The following ACAA2 variants were observed in gnomAD, a reference collection of about 807,000 sequenced individuals.
The protein encoded by ACAA2 is acetyl-CoA acyltransferase 2, also known as 3-ketoacyl-CoA thiolase, mitochondrial.
In ACAA2, 35 loss-of-function variants were observed where a neutral mutation model predicts 44.8. The ratio of observed to expected loss-of-function variants is 0.78; its 90% confidence interval spans 0.60 to 1.04. ACAA2 has a LOEUF of 1.04. ACAA2 is among the 50% of genes least tolerant of loss of function. ACAA2 has a pLI of 0.00. For synonymous variants in ACAA2, 142 were observed against 166.5 expected (o/e 0.85, Z 1.13); for missense variants, 468 against 482.6 (o/e 0.97, Z 0.28).
At chr18:49,798,408 C>G (rs1240864122) in intron 2 of ACAA2, among the ~76,000 whole-genome samples, 1 of 151,980 alleles carries the variant, frequency 6.6e-6, no homozygotes, top group Non-Finnish European at 1.5e-5. Context: ...TTCTGCATTT[C>G]TAACCATTTC....
intron 1 of ACAA2, among the ~76,000 whole-genome samples, chr18:49,811,822 T>C (rs887394240): frequency 6.6e-6 from 1 of 152,110 alleles, no homozygotes; most frequent in Non-Finnish European, 1.5e-5. Context: ...TGGAAAAAAA[T>C]ACGATCACTA....
intron 1 of ACAA2, among the ~76,000 whole-genome samples, chr18:49,805,771 T>G (rs80242280): frequency 6.6e-6 from 1 of 151,700 alleles, no homozygotes; most frequent in African/African-American, 2.4e-5. Context: ...TTTTTTTTTT[T>G]GTAGAGATGG....
Position 49,787,260 on chromosome 18 carries a change from TAA to T in ACAA2, c.954+29_954+30del, listed in dbSNP as rs35932656. ...AAAGTACATGGTTTATTCATGTTGT[TAA>T]AAAAAAAAAAAAAAAAAAAAACACT... On this transcript the variant is annotated intron_variant, in intron 8 of 9. Coordinates refer to ENST00000285093, the MANE Select transcript of ACAA2 (RefSeq NM_006111.3). The T allele has an allele frequency of 0.023, 23,097 of 1,006,034 alleles. 35 individuals carry two copies. Among genetic ancestry groups the T allele is most frequent in the East Asian group, 0.075 (2,074 of 27,482 alleles). 62.3% of individuals were successfully genotyped at this position (1,006,034 alleles called of 1,614,324 possible). A position where few individuals can be genotyped will look rare whatever the true frequency, so the allele number is the denominator to read the frequency against.
intron 1 of ACAA2, among the ~76,000 whole-genome samples, chr18:49,806,098 T>C (rs889466547): frequency 6.6e-6 from 1 of 151,602 alleles, no homozygotes; most frequent in African/African-American, 2.4e-5. Context: ...AGGAGAAGAG[T>C]TGATACTTAG....
At chr18:49,788,274 A>C (rs2023357295) in intron 7 of ACAA2, among the ~76,000 whole-genome samples, 1 of 152,222 alleles carries the variant, frequency 6.6e-6, no homozygotes, top group African/African-American at 2.4e-5. Context: ...TACAAAGAAA[A>C]ATATGTAGTA....
chr18:49,807,442 A>T (rs2023621105), intron 1 of ACAA2, among the ~76,000 whole-genome samples: 1 of 152,234 alleles, frequency 6.6e-6, no homozygotes, highest in Non-Finnish European at 1.5e-5. Flanking sequence ...ACATACGAGA[A>T]AAATCTACAT....
Position 49,803,009 on chromosome 18 carries a change from G to A in ACAA2, c.17-156C>T. On this transcript the variant is annotated intron_variant, in intron 1 of 9. Coordinates refer to ENST00000285093, the MANE Select transcript of ACAA2 (RefSeq NM_006111.3). Reference sequence around the variant, plus strand: ...CCTAGAACAAGTCATACCCATGGAAGCAGAGTCTTAAGGACTACCAGTTTG... The same window carrying A: ...CCTAGAACAAGTCATACCCATGGAAACAGAGTCTTAAGGACTACCAGTTTG... 4 of 861,520 alleles carry A rather than the reference G, an allele frequency of 4.6e-6. No homozygotes were observed. In the Admixed American group the frequency reaches 7.5e-5, roughly 16 times the overall value. The allele number at this position is 861,520 out of a possible 1,614,324, so 53.4% of individuals were successfully genotyped here. A position where few individuals can be genotyped will look rare whatever the true frequency, so the allele number is the denominator to read the frequency against.
chr18:49,797,332 GTA>G (rs1474191584), intron 3 of ACAA2, 132 bp downstream of exon 3: 76 of 668,494 alleles, frequency 1.1e-4, no homozygotes, highest in Non-Finnish European at 1.7e-4. Flanking sequence ...GAGTGCAGTG[GTA>G]TGATCATGGT....
Position 49,783,643 on chromosome 18 carries a change from G to A in ACAA2, c.*204C>T, listed in dbSNP as rs984981226. On this transcript the variant is annotated 3_prime_UTR_variant, in exon 10 of 10. Transcript: ENST00000285093. Reference sequence around the variant, plus strand: ...GCTCAGAAATACATCATATTTCACTGGTTCAAATCTGAGAGAATGTACTTC... The same window carrying A: ...GCTCAGAAATACATCATATTTCACTAGTTCAAATCTGAGAGAATGTACTTC... 5.8e-6 allele frequency: 3 copies of A among 515,520 alleles called. No homozygotes were observed. Among genetic ancestry groups the A allele is most frequent in the Non-Finnish European group, 1.1e-5 (3 of 279,196 alleles). 31.9% of individuals were successfully genotyped at this position (515,520 alleles called of 1,614,324 possible). A position where few individuals can be genotyped will look rare whatever the true frequency, so the allele number is the denominator to read the frequency against.
Position 49,792,170 on chromosome 18 carries a change from A to C in ACAA2, c.735T>G (p.Val245=). Residue 245 remains valine (V), a synonymous_variant, in exon 6 of 10, where the codon GTT becomes GTG. Coordinates refer to ENST00000285093, the MANE Select transcript of ACAA2 (RefSeq NM_006111.3). ...LPPVFKKDGT[V]TAGNASGVAD... Reference sequence around the variant, plus strand: ...TACCAACCGATGCATTCCCTGCAGTAACAGTTCCATCTTTCTTGAATACTG... The same window carrying C: ...TACCAACCGATGCATTCCCTGCAGTCACAGTTCCATCTTTCTTGAATACTG... 6.2e-7 allele frequency: 1 copy of C among 1,613,924 alleles called. No individual in the cohort carries two copies. The highest frequency in any genetic ancestry group is 8.5e-7 in the Non-Finnish European group (1 of 1,179,844).
intron 1 of ACAA2, chr18:49,813,095 C>T (rs2023689820): frequency 5.2e-6 from 1 of 190,966 alleles, no homozygotes; most frequent in Non-Finnish European, 1.1e-5. Flanking sequence ...CTCCTGTGCG[C>T]AGCTGCCCCG....
rs1347357878 is a variant in ACAA2, at chr18:49,801,812, A to ATATATATATATC, written c.183+874_183+875insGATATATATATA. Among the ~76,000 whole-genome samples the ATATATATATATC allele has an allele frequency of 2.2e-3, 311 of 143,262 alleles. 4 individuals carry two copies. Among genetic ancestry groups the ATATATATATATC allele is most frequent in the African/African-American group, 4.9e-3 (190 of 38,670 alleles). 94.0% of individuals were successfully genotyped at this position (143,262 alleles called of 152,430 possible). On this transcript the variant is annotated intron_variant, in intron 2 of 9. Transcript: ENST00000285093. ...TATATATATATATATATATATATAT[A>ATATATATATATC]TATCTTATCTTTTTCATTAGATTAT...
At chr18:49,804,858 C>T (rs1021323066) in intron 1 of ACAA2, among the ~76,000 whole-genome samples, 1 of 152,070 alleles carries the variant, frequency 6.6e-6, no homozygotes, top group African/African-American at 2.4e-5. Context: ...GAGTGGTACC[C>T]ACTCATCATC....
Position 49,795,803 on chromosome 18 carries a change from T to A in ACAA2, c.391A>T (p.Asn131Tyr). ...SMSQAPYCVR[N>Y]VRFGTKLGSD... ...CCAAGCTTGGTTCCAAAACGCACAT[T>A]TCTGACACAGTAGGGAGCTTGGCTC... Residue 131 changes from asparagine to tyrosine, a missense_variant, in exon 4 of 10, where the codon AAT becomes TAT. Transcript: ENST00000285093. The A allele has an allele frequency of 6.2e-7, 1 of 1,611,040 alleles. No individual in the cohort carries two copies. Among genetic ancestry groups the A allele is most frequent in the Non-Finnish European group, 8.5e-7 (1 of 1,178,596 alleles).
intron 1 of ACAA2, among the ~76,000 whole-genome samples, chr18:49,808,974 T>C (rs1389800492): frequency 6.6e-6 from 1 of 152,090 alleles, no homozygotes; most frequent in Admixed American, 6.6e-5. Context: ...TTTCAGTCCT[T>C]ATCTCAACCG....
intron 9 of ACAA2, among the ~76,000 whole-genome samples, chr18:49,784,285 T>C (rs556773787): frequency 2.6e-5 from 4 of 152,120 alleles, no homozygotes; most frequent in African/African-American, 4.8e-5. Flanking sequence ...ACTGGATAAA[T>C]GGGAAGCTGG....
At chr18:49,813,200 TC>T (rs1406822206) in intron 1 of ACAA2, among the ~76,000 whole-genome samples, 2 of 152,186 alleles carry the variant, frequency 1.3e-5, no homozygotes, top group Non-Finnish European at 2.9e-5. Flanking sequence ...AGGAATGACC[TC>T]CAAGGTCACA....
rs2023696582 is a variant in ACAA2 at position 49,813,524 on chromosome 18, G to T, written c.-40C>A. ...CGTCGGCGGCGCGGGTCTGTGGTGTGGGGGACGCTGAGCGGCCGCTCGCAA... is the reference window on the plus strand; with the variant it reads ...CGTCGGCGGCGCGGGTCTGTGGTGTTGGGGACGCTGAGCGGCCGCTCGCAA... On this transcript the variant is annotated 5_prime_UTR_variant, in exon 1 of 10. Coordinates refer to ENST00000285093, the MANE Select transcript of ACAA2 (RefSeq NM_006111.3). The T allele has an allele frequency of 8.1e-7, 1 of 1,237,810 alleles. No homozygotes were observed. Among genetic ancestry groups the T allele is most frequent in the East Asian group, 3.2e-5 (1 of 31,672 alleles). The allele number at this position is 1,237,810 out of a possible 1,614,324, so 76.7% of individuals were successfully genotyped here.
At chr18:49,799,853 G>T (rs1358259477) in intron 2 of ACAA2, among the ~76,000 whole-genome samples, 4 of 137,934 alleles carry the variant, frequency 2.9e-5, no homozygotes, top group Admixed American at 2.9e-4. Context: ...TGTGGGGAGC[G>T]CCTCTGCCCG....
Sources: gnomAD v4.1 joint callset for allele counts (sites outside exome capture counted in the v4.1 genomes callset) on GRCh38, gnomAD v4.1.1 for gene constraint, MANE v1.5 for transcripts, NCBI Gene and HGNC (gene_info 2026-07-23, HGNC 2026-07-21) for gene names.